Variants in ARMC2 observed in about 807,000 individuals in gnomAD.
ARMC2 encodes armadillo repeat containing 2, also known as armadillo repeat-containing protein 2.
In ARMC2, 67 loss-of-function variants were observed where a neutral mutation model predicts 90.3. That is an observed-to-expected ratio of 0.74 (90% CI 0.61 to 0.91). ARMC2 has a LOEUF of 0.91. Among genes scored for constraint, ARMC2 ranks in the 40% least tolerant of loss-of-function variants. The pLI is 0.00. For missense variants in ARMC2, 920 were observed against 1,030.9 expected (o/e 0.89, Z 1.47); for synonymous variants, 393 against 393.0 (o/e 1.00, Z 0.00).
chr6:108,891,481 T>G (rs1334260736), intron 5 of ARMC2, among the ~76,000 whole-genome samples: 1 of 152,266 alleles, frequency 6.6e-6, no homozygotes, highest in Non-Finnish European at 1.5e-5. Flanking sequence ...GTGGTTTTGA[T>G]TTGCATTTCT....
At chr6:108,853,713 A>T (rs923424024) in intron 1 of ARMC2, among the ~76,000 whole-genome samples, 1 of 152,194 alleles carries the variant, frequency 6.6e-6, no homozygotes, top group Non-Finnish European at 1.5e-5. Context: ...CTCAAATTAT[A>T]GGTGAGTTGA....
intron 12 of ARMC2, among the ~76,000 whole-genome samples, chr6:108,945,926 A>G (rs951274931): frequency 6.6e-6 from 1 of 152,230 alleles, no homozygotes; most frequent in Admixed American, 6.5e-5. Flanking sequence ...CTTGGCTCCC[A>G]GCTTGTCCTC....
Position 108,965,143 on chromosome 6 carries a change from A to G in ARMC2, c.2446+3A>G, listed in dbSNP as rs760083291. 1.1e-5 allele frequency: 17 copies of G among 1,599,494 alleles called. 1 individual carries two copies. Among genetic ancestry groups the G allele is most frequent in the Middle Eastern group, 3.3e-4 (2 of 6,008 alleles). ...ACTCTTGCTCTCATCATTTTTAGGT[A>G]AGACTCTTGACTATGATGAGTCTGT... On this transcript the variant is annotated splice_donor_region_variant and intron_variant, in intron 17 of 17. Transcript: ENST00000392644.
At chr6:108,865,574 A>C (rs1293806573) in intron 3 of ARMC2, among the ~76,000 whole-genome samples, 1 of 152,204 alleles carries the variant, frequency 6.6e-6, no homozygotes, top group Non-Finnish European at 1.5e-5. Context: ...AATGGAACCG[A>C]ATTTTTATTA....
At chr6:109,008,190 C>A in the ARMC2 span, among the ~76,000 whole-genome samples, 1 of 152,114 alleles carries the variant, frequency 6.6e-6, no homozygotes, top group African/African-American at 2.4e-5. Context: ...TGAGCAAGAA[C>A]CAGGACTCTG....
At chr6:109,037,632 T>C in the ARMC2 span, among the ~76,000 whole-genome samples, 1 of 152,210 alleles carries the variant, frequency 6.6e-6, no homozygotes, top group South Asian at 2.1e-4. Flanking sequence ...ATGAAGAAAT[T>C]GAGAACCAGA....
chr6:108,892,794 T>A (rs1309227931), intron 5 of ARMC2, among the ~76,000 whole-genome samples: 1 of 149,724 alleles, frequency 6.7e-6, no homozygotes, highest in African/African-American at 2.5e-5. Flanking sequence ...GGGAACATGT[T>A]AATGAAGTAA....
chr6:108,908,138 T>G (rs375098342), intron 8 of ARMC2, among the ~76,000 whole-genome samples: 18 of 151,714 alleles, frequency 1.2e-4, no homozygotes, highest in African/African-American at 3.9e-4. Context: ...TCGGTAGTGC[T>G]GGGGGGGGCC....
the ARMC2 span, among the ~76,000 whole-genome samples, chr6:109,023,522 C>T: frequency 3.3e-5 from 5 of 152,114 alleles, no homozygotes; most frequent in Non-Finnish European, 7.3e-5. Context: ...AAGGCACAAC[C>T]ACAGAGTATT....
chr6:108,930,458 T>A (rs1309346301), intron 11 of ARMC2, among the ~76,000 whole-genome samples: 3 of 152,154 alleles, frequency 2.0e-5, no homozygotes, highest in African/African-American at 7.2e-5. Context: ...CTTCTGACTT[T>A]AAAGGAAATA....
the ARMC2 span, among the ~76,000 whole-genome samples, chr6:109,007,301 TTG>T: frequency 6.6e-6 from 1 of 152,218 alleles, no homozygotes. Context: ...TGTTTCAAAT[TTG>T]TGAGATACAT....
At chr6:108,972,079 TCA>T (rs1029384732) in intron 17 of ARMC2, among the ~76,000 whole-genome samples, 18 of 152,318 alleles carry the variant, frequency 1.2e-4, no homozygotes, top group Non-Finnish European at 2.4e-4. Context: ...CTGAAGTCTG[TCA>T]CACAGAGTGT....
intron 2 of ARMC2, among the ~76,000 whole-genome samples, chr6:108,856,130 C>T (rs572064244): frequency 6.6e-6 from 1 of 152,160 alleles, no homozygotes; most frequent in Non-Finnish European, 1.5e-5. Flanking sequence ...CATCGCAATA[C>T]GCAAGGTTTT....
Position 108,876,251 on chromosome 6 carries a change from AC to A in ARMC2, c.575del (p.Pro192HisfsTer4). The A allele has an allele frequency of 6.2e-7, 1 of 1,613,124 alleles. No individual in the cohort carries two copies. Among genetic ancestry groups the A allele is most frequent in the Non-Finnish European group, 8.5e-7 (1 of 1,179,592 alleles). Reference sequence around the variant, plus strand: ...AATGCTATTTGCCACTTAAAGAGTCACCCACTTCAGCTAACTGATGATGGAG... The same window carrying A: ...AATGCTATTTGCCACTTAAAGAGTCACCACTTCAGCTAACTGATGATGGAG... ...KSNAICHLKS[H>X]PLQLTDDGGF... On this transcript the variant is annotated frameshift_variant, in exon 5 of 18. Coordinates refer to ENST00000392644, the MANE Select transcript of ARMC2 (RefSeq NM_032131.6). LOFTEE classifies it high-confidence loss of function.
At chr6:109,045,970 T>C in the ARMC2 span, among the ~76,000 whole-genome samples, 1 of 152,214 alleles carries the variant, frequency 6.6e-6, no homozygotes, top group Non-Finnish European at 1.5e-5. Context: ...AAAAAGCGTA[T>C]TCTGTCTTTT....
chr6:108,887,139 T>C (rs926733110), intron 5 of ARMC2, among the ~76,000 whole-genome samples: 3 of 152,198 alleles, frequency 2.0e-5, no homozygotes, highest in Admixed American at 6.5e-5. Flanking sequence ...CTTGAACTCC[T>C]GACCTCAAGT....
the ARMC2 span, chr6:109,002,407 G>T: frequency 7.6e-7 from 1 of 1,314,256 alleles, no homozygotes; most frequent in South Asian, 1.2e-5. Flanking sequence ...GAGGCTAAAG[G>T]AATGGGAGGG....
At chr6:108,927,709 T>TA (rs34790939) in intron 10 of ARMC2, among the ~76,000 whole-genome samples, 77,002 of 145,014 alleles carry the variant, frequency 0.53, 21,195 homozygotes, top group Admixed American at 0.63. Context: ...CCTATAAAAT[T>TA]AAAAAAAAAA....
intron 3 of ARMC2, among the ~76,000 whole-genome samples, chr6:108,868,499 G>A (rs1261113160): frequency 1.3e-5 from 2 of 152,236 alleles, no homozygotes; most frequent in African/African-American, 2.4e-5. Flanking sequence ...TTGCAGGCAT[G>A]AGCCACTGCG....
Sources: gnomAD v4.1 joint callset for allele counts (sites outside exome capture counted in the v4.1 genomes callset) on GRCh38, gnomAD v4.1.1 for gene constraint, MANE v1.5 for transcripts, NCBI Gene and HGNC (gene_info 2026-07-23, HGNC 2026-07-21) for gene names.